PTPRD: variants seen among roughly 807,000 people sequenced by gnomAD.
The protein encoded by PTPRD is protein tyrosine phosphatase receptor type D.
PTPRD carries 34 observed loss-of-function variants against 214.5 expected under a neutral mutation model. The observed-to-expected ratio is 0.16, with a 90% CI of 0.12 to 0.21. The LOEUF is 0.21. Ranked by LOEUF, PTPRD falls within the 10% of genes least tolerant of loss-of-function variation. The probability of loss-of-function intolerance (pLI) is 1.00; values close to 1 mark genes in which losing one functional copy is unlikely to be tolerated. For missense variants in PTPRD, 2,545 were observed against 2,398.7 expected (o/e 1.06, Z -1.27); for synonymous variants, 1,128 against 845.7 (o/e 1.33, Z -5.79).
chr9:9,643,095 T>G (rs1181686583), intron 7 of PTPRD, among the ~76,000 whole-genome samples: 1 of 152,086 alleles, frequency 6.6e-6, no homozygotes, highest in Non-Finnish European at 1.5e-5. Context: ...GAGATTTGAG[T>G]TGGTAGATTA....
chr9:8,657,101 CAT>C (rs1253521274), intron 12 of PTPRD, among the ~76,000 whole-genome samples: 1 of 151,272 alleles, frequency 6.6e-6, no homozygotes, highest in Non-Finnish European at 1.5e-5. Context: ...GCTTTTCTTT[CAT>C]ATGTTTGTTG....
chr9:9,702,764 A>G (rs1353248137), intron 7 of PTPRD, among the ~76,000 whole-genome samples: 1 of 152,166 alleles, frequency 6.6e-6, no homozygotes, highest in Non-Finnish European at 1.5e-5. Flanking sequence ...AAAGAGCAGT[A>G]AAGATAATGG....
At chr9:9,953,737 T>C (rs1163648801) in intron 4 of PTPRD, among the ~76,000 whole-genome samples, 1 of 152,200 alleles carries the variant, frequency 6.6e-6, no homozygotes, top group East Asian at 1.9e-4. Flanking sequence ...GTTTTAAACA[T>C]ATTTTAACTA....
chr9:10,031,667 T>G (rs10958834), intron 4 of PTPRD, among the ~76,000 whole-genome samples: 2 of 93,372 alleles, frequency 2.1e-5, no homozygotes. Context: ...CACACACACA[T>G]ACACACACAC....
intron 33 of PTPRD, among the ~76,000 whole-genome samples, chr9:8,451,253 T>C (rs2095935890): frequency 6.6e-6 from 1 of 152,210 alleles, no homozygotes; most frequent in Admixed American, 6.5e-5. Context: ...TTAGACATGT[T>C]GCTTTCTCGG....
chr9:9,384,663 T>G (rs988033231), intron 9 of PTPRD, among the ~76,000 whole-genome samples: 3 of 152,026 alleles, frequency 2.0e-5, no homozygotes, highest in Non-Finnish European at 4.4e-5. Flanking sequence ...ATGTTTCTTG[T>G]AACTTGTAGT....
intron 7 of PTPRD, among the ~76,000 whole-genome samples, chr9:9,723,944 A>C (rs768539679): frequency 8.5e-5 from 13 of 152,204 alleles, no homozygotes; most frequent in Non-Finnish European, 1.8e-4. Flanking sequence ...ACAATTATGT[A>C]ATCTAGAGAT....
At chr9:9,779,994 G>A (rs149689894) in intron 5 of PTPRD, among the ~76,000 whole-genome samples, 6 of 152,252 alleles carry the variant, frequency 3.9e-5, no homozygotes, top group East Asian at 1.9e-4. Flanking sequence ...TAGCGAAGAC[G>A]ACATGGAATC....
At chr9:8,522,563 T>A (rs1222226781) in intron 19 of PTPRD, among the ~76,000 whole-genome samples, 1 of 152,162 alleles carries the variant, frequency 6.6e-6, no homozygotes, top group Admixed American at 6.6e-5. Context: ...GGACACTGGA[T>A]CTAAAACATA....
At chr9:8,806,214 C>G (rs1264816909) in intron 11 of PTPRD, among the ~76,000 whole-genome samples, 1 of 147,914 alleles carries the variant, frequency 6.8e-6, no homozygotes, top group Admixed American at 6.8e-5. Flanking sequence ...CATGGAGATA[C>G]TGCGCCTGGC....
chr9:8,936,548 GT>G (rs1385793686), intron 11 of PTPRD, among the ~76,000 whole-genome samples: 1 of 150,974 alleles, frequency 6.6e-6, no homozygotes, highest in Non-Finnish European at 1.5e-5. Context: ...ACTATAATTG[GT>G]TTAGTTTTCA....
chr9:10,371,402 G>A (rs1319035559), intron 2 of PTPRD, among the ~76,000 whole-genome samples: 1 of 151,810 alleles, frequency 6.6e-6, no homozygotes, highest in Non-Finnish European at 1.5e-5. Flanking sequence ...TCACTGTTTC[G>A]CTCTATTTTT....
intron 2 of PTPRD, among the ~76,000 whole-genome samples, chr9:10,457,817 T>C (rs1173963621): frequency 6.6e-6 from 1 of 152,080 alleles, no homozygotes; most frequent in Non-Finnish European, 1.5e-5. Flanking sequence ...GCATACCTTT[T>C]TTGAAAACAT....
intron 7 of PTPRD, among the ~76,000 whole-genome samples, chr9:9,700,685 A>G (rs1315980942): frequency 2.0e-5 from 3 of 152,134 alleles, no homozygotes; most frequent in Admixed American, 6.5e-5. Context: ...TGTATACAAT[A>G]TAATATGTAA....
chr9:8,556,847 A>G (rs1034618513), intron 14 of PTPRD, among the ~76,000 whole-genome samples: 1 of 152,166 alleles, frequency 6.6e-6, no homozygotes, highest in Non-Finnish European at 1.5e-5. Flanking sequence ...AATCGAACCC[A>G]TGTCTTTCAT....
intron 27 of PTPRD, among the ~76,000 whole-genome samples, chr9:8,491,741 C>A (rs1209945595): frequency 1.3e-5 from 2 of 151,424 alleles, no homozygotes; most frequent in Non-Finnish European, 2.9e-5. Flanking sequence ...GAGGCAATTC[C>A]AGGTGGCAGG....
intron 5 of PTPRD, among the ~76,000 whole-genome samples, chr9:9,845,109 T>A (rs2059223549): frequency 1.1e-5 from 1 of 90,956 alleles, no homozygotes; most frequent in Non-Finnish European, 2.0e-5. Flanking sequence ...TATACTGCTA[T>A]ATATATTGCT....
At position 10,208,666 on chromosome 9, in the gene PTPRD, T is replaced by A. The variant is rs190577748; in HGVS notation, c.-545+132297A>T. Among the ~76,000 whole-genome samples the A allele has an allele frequency of 9.2e-5, 14 of 152,358 alleles. 1 individual carries two copies. On this transcript the variant is annotated intron_variant, in intron 3 of 45. Transcript: ENST00000381196. Reference sequence around the variant, plus strand: ...GGGAGTCTGCTCCCCCATTTTGTTTTAACAAACATGCCCTGAATTTTTGTC... The same window carrying A: ...GGGAGTCTGCTCCCCCATTTTGTTTAAACAAACATGCCCTGAATTTTTGTC...
intron 11 of PTPRD, among the ~76,000 whole-genome samples, chr9:8,982,881 T>C (rs1376652381): frequency 1.3e-5 from 2 of 152,022 alleles, no homozygotes; most frequent in Non-Finnish European, 1.5e-5. Context: ...CAGCAAACAT[T>C]ATGTTTTTGG....
Sources: gnomAD v4.1 joint callset for allele counts (sites outside exome capture counted in the v4.1 genomes callset) on GRCh38, gnomAD v4.1.1 for gene constraint, MANE v1.5 for transcripts, NCBI Gene and HGNC (gene_info 2026-07-23, HGNC 2026-07-21) for gene names.